Variants in KLHL20 observed in about 807,000 individuals in gnomAD.
KLHL20 encodes the protein kelch-like protein 20.
In KLHL20, 29 loss-of-function variants were observed where a neutral mutation model predicts 69.5. The observed-to-expected ratio is 0.42, with a 90% confidence interval of 0.31 to 0.57. The LOEUF is 0.57. Ranked by LOEUF, KLHL20 falls within the 20% of genes least tolerant of loss-of-function variation. The pLI is 0.18. For synonymous variants in KLHL20, 253 were observed against 265.2 expected (o/e 0.95, Z 0.45); for missense variants, 419 against 776.0 (o/e 0.54, Z 5.47).
At chr1:173,749,827 C>T (rs1673222754) in intron 3 of KLHL20, among the ~76,000 whole-genome samples, 2 of 152,024 alleles carry the variant, frequency 1.3e-5, no homozygotes, top group African/African-American at 4.8e-5. Flanking sequence ...GTGAAGAAAT[C>T]ACAGAGAAAA....
intron 3 of KLHL20, among the ~76,000 whole-genome samples, chr1:173,740,825 C>G (rs1035338307): frequency 6.6e-6 from 1 of 151,968 alleles, no homozygotes; most frequent in Non-Finnish European, 1.5e-5. Context: ...TTTGCCCCCC[C>G]GGATTCTGCC....
intron 3 of KLHL20, among the ~76,000 whole-genome samples, chr1:173,743,340 A>G (rs1014190864): frequency 6.6e-6 from 1 of 152,096 alleles, no homozygotes; most frequent in Non-Finnish European, 1.5e-5. Flanking sequence ...ACCAGTTGTT[A>G]ACATTTTGCC....
intron 2 of KLHL20, among the ~76,000 whole-genome samples, chr1:173,727,853 A>C (rs1417693635): frequency 2.0e-5 from 3 of 152,214 alleles, no homozygotes; most frequent in African/African-American, 7.2e-5. Flanking sequence ...TAACGAGCAA[A>C]ATAACCAGCT....
chr1:173,771,497 T>G (rs1005801346), intron 8 of KLHL20, among the ~76,000 whole-genome samples: 3 of 152,214 alleles, frequency 2.0e-5, no homozygotes, highest in Non-Finnish European at 4.4e-5. Context: ...AGCTCTGACC[T>G]ATAATCCCAG....
chr1:173,729,104 G>A (rs1332288216), intron 2 of KLHL20, among the ~76,000 whole-genome samples: 3 of 152,188 alleles, frequency 2.0e-5, no homozygotes, highest in African/African-American at 4.8e-5. Context: ...ACACCTCTGT[G>A]CAAATAAACT....
In KLHL20 at chr1:173,733,284, G is replaced by A. The variant is rs145096869; in HGVS notation, c.24-429G>A. ...TGATAAGCTTACCTCAGTCTCCCAG[G>A]GATTACAGACATGAGCCACCACACC... is the stretch of plus-strand genomic sequence containing the variant. On this transcript the variant is annotated intron_variant, in intron 2 of 11. Coordinates refer to ENST00000209884, the MANE Select transcript of KLHL20 (RefSeq NM_014458.4). Among the ~76,000 whole-genome samples, 832 of 151,694 alleles carry A rather than the reference G, an allele frequency of 5.5e-3. 8 individuals carry two copies. Among genetic ancestry groups the A allele is most frequent in the Non-Finnish European group, 4.7e-3 (322 of 67,914 alleles).
intron 2 of KLHL20, among the ~76,000 whole-genome samples, chr1:173,716,893 G>A (rs1373448469): frequency 6.6e-6 from 1 of 152,136 alleles, no homozygotes; most frequent in Non-Finnish European, 1.5e-5. Context: ...ATCCAAATCT[G>A]TTATTGGTTT....
chr1:173,727,323 T>G (rs1411837857), intron 2 of KLHL20, among the ~76,000 whole-genome samples: 1 of 151,944 alleles, frequency 6.6e-6, no homozygotes, highest in Non-Finnish European at 1.5e-5. Context: ...TGGAAAACAC[T>G]CTGCAGGATA....
chr1:173,772,953 T>G (rs1648191694), intron 8 of KLHL20, among the ~76,000 whole-genome samples: 1 of 152,156 alleles, frequency 6.6e-6, no homozygotes, highest in African/African-American at 2.4e-5. Context: ...AGAGAAAACC[T>G]GTAGACAATA....
intron 10 of KLHL20, chr1:173,781,856 T>C (rs775537355): frequency 3.3e-5 from 9 of 271,738 alleles, no homozygotes; most frequent in South Asian, 1.6e-4. Context: ...AGTTTGGAGG[T>C]TGTTTGCTCA....
chr1:173,715,692 A>C (rs1413065107), intron 1 of KLHL20: 2 of 250,308 alleles, frequency 8.0e-6, no homozygotes, highest in African/African-American at 4.4e-5. Context: ...TTGTTCTGTA[A>C]ATATACTTGA....
intron 3 of KLHL20, among the ~76,000 whole-genome samples, chr1:173,749,078 A>G (rs1037285429): frequency 1.3e-5 from 2 of 152,180 alleles, no homozygotes; most frequent in Admixed American, 1.3e-4. Context: ...TCGGACTAGC[A>G]TGGCTCCATG....
At chr1:173,731,811 A>G (rs936235644) in intron 2 of KLHL20, among the ~76,000 whole-genome samples, 23 of 152,162 alleles carry the variant, frequency 1.5e-4, no homozygotes, top group African/African-American at 5.3e-4. Context: ...ACATGTATAC[A>G]TATGTAACAA....
chr1:173,773,412 A>C (rs2102530171), intron 8 of KLHL20, among the ~76,000 whole-genome samples: 1 of 150,324 alleles, frequency 6.7e-6, no homozygotes, highest in South Asian at 2.1e-4. Flanking sequence ...CAAGACCCCT[A>C]TTTTTAAATA....
chr1:173,722,687 A>ATTT lies in KLHL20; in HGVS notation c.23+6635_23+6637dup, dbSNP rs66503240. Among the ~76,000 whole-genome samples, 145 of 138,346 alleles carry ATTT rather than the reference A, an allele frequency of 1.0e-3. 1 individual carries two copies. Among genetic ancestry groups the ATTT allele is most frequent in the African/African-American group, 3.6e-3 (136 of 37,736 alleles). The allele number at this position is 138,346 out of a possible 152,430, so 90.8% of individuals were successfully genotyped here. ...AGCATTATTTTTTTTTGCTATGGTAATTTTTTTTTTTTTTTTGACATAGAG... is the reference window on the plus strand; with the variant it reads ...AGCATTATTTTTTTTTGCTATGGTAATTTTTTTTTTTTTTTTTTTGACATAGAG... On this transcript the variant is annotated intron_variant, in intron 2 of 11. Transcript: ENST00000209884.
At chr1:173,765,705 A>G (rs1011093455) in intron 7 of KLHL20, among the ~76,000 whole-genome samples, 1 of 152,188 alleles carries the variant, frequency 6.6e-6, no homozygotes, top group Non-Finnish European at 1.5e-5. Context: ...ATCTAGAGCT[A>G]TATTAGCATA....
Position 173,769,941 on chromosome 1 carries a change from CTA to C in KLHL20, c.1295+3654_1295+3655del, listed in dbSNP as rs202177698. ...AGTAATAATCTCTGAAGGCAAGGCA[CTA>C]TGTTTTTTAATACTACATAAAAAAA... On this transcript the variant is annotated intron_variant, in intron 8 of 11. Coordinates refer to ENST00000209884, the MANE Select transcript of KLHL20 (RefSeq NM_014458.4). 5.3e-3 allele frequency among the ~76,000 whole-genome samples: 798 copies of C among 151,898 alleles called. 3 individuals are homozygous for C. The highest frequency in any genetic ancestry group is 8.9e-3 in the Non-Finnish European group (607 of 67,968).
chr1:173,755,293 A>G (rs534661430), intron 5 of KLHL20, among the ~76,000 whole-genome samples: 21 of 152,176 alleles, frequency 1.4e-4, no homozygotes, highest in African/African-American at 5.1e-4. Context: ...TCTTGACCTC[A>G]TGATCCACCG....
At chr1:173,784,850 C>A (rs1649104251) in intron 11 of KLHL20, among the ~76,000 whole-genome samples, 1 of 152,128 alleles carries the variant, frequency 6.6e-6, no homozygotes, top group African/African-American at 2.4e-5. Flanking sequence ...TTCTGTGTAA[C>A]CGTTAGAAGT....
Sources: gnomAD v4.1 joint callset for allele counts (sites outside exome capture counted in the v4.1 genomes callset) on GRCh38, gnomAD v4.1.1 for gene constraint, MANE v1.5 for transcripts, NCBI Gene and HGNC (gene_info 2026-07-23, HGNC 2026-07-21) for gene names.